The following SYT1 variants were observed in gnomAD, a reference collection of about 807,000 sequenced individuals.
SYT1 encodes synaptotagmin-1.
In SYT1, 8 loss-of-function variants were observed where a neutral mutation model predicts 44.8. The observed-to-expected ratio is 0.18, with a 90% CI of 0.10 to 0.32. SYT1 has a LOEUF of 0.32. Among genes scored for constraint, SYT1 ranks in the 10% least tolerant of loss-of-function variants. The pLI is 1.00. For synonymous variants in SYT1, 154 were observed against 188.8 expected, an observed-to-expected ratio of 0.82 and a Z score of 1.51; for missense variants, 286 against 509.3, an observed-to-expected ratio of 0.56 and a Z score of 4.22.
intron 3 of SYT1, among the ~76,000 whole-genome samples, chr12:79,138,699 C>T (rs779112376): frequency 7.9e-5 from 12 of 152,084 alleles, no homozygotes; most frequent in Admixed American, 3.9e-4. Flanking sequence ...ACAAACGATG[C>T]CTGGCATACA....
intron 9 of SYT1, among the ~76,000 whole-genome samples, chr12:79,367,121 G>C (rs1269696594): frequency 6.6e-6 from 1 of 152,114 alleles, no homozygotes; most frequent in Non-Finnish European, 1.5e-5. Flanking sequence ...TCTTCAGTTT[G>C]TTAAGCTATT....
intron 2 of SYT1, among the ~76,000 whole-genome samples, chr12:79,037,444 G>A (rs944764841): frequency 2.0e-5 from 3 of 151,576 alleles, no homozygotes; most frequent in South Asian, 2.1e-4. Flanking sequence ...AGATGTTTTC[G>A]TATTTGTTGA....
rs999452148 is a variant in SYT1 at position 78,872,962 on chromosome 12, T to G, written c.-217+7853T>G. ...AACTTTTTGCAGAGAGACAGAATAA[T>G]GTTTTAGAGTCCAAAAAACTGGCAT... On this transcript the variant is annotated intron_variant, in intron 1 of 10. Transcript: ENST00000261205. 4.0e-5 allele frequency among the ~76,000 whole-genome samples: 6 copies of G among 151,782 alleles called. No individual in the cohort carries two copies. In the East Asian group the frequency reaches 1.2e-3, roughly 29 times the overall value.
intron 2 of SYT1, among the ~76,000 whole-genome samples, chr12:78,982,806 CCAAT>C (rs764152901): frequency 9.9e-5 from 15 of 152,182 alleles, no homozygotes; most frequent in Non-Finnish European, 1.5e-4. Context: ...AGTTGAGTTT[CCAAT>C]CAATCTATTT....
intron 9 of SYT1, among the ~76,000 whole-genome samples, chr12:79,439,751 G>A (rs1424306761): frequency 2.0e-5 from 3 of 152,084 alleles, no homozygotes; most frequent in Non-Finnish European, 2.9e-5. Context: ...ATGCCACAAA[G>A]AGGTGAAATA....
At chr12:79,003,199 T>C (rs2137538081) in intron 2 of SYT1, among the ~76,000 whole-genome samples, 1 of 152,146 alleles carries the variant, frequency 6.6e-6, no homozygotes, top group South Asian at 2.1e-4. Context: ...AAAATTGTAG[T>C]GCCTTTGATC....
chr12:78,948,897 T>A (rs1304263165), intron 1 of SYT1, among the ~76,000 whole-genome samples: 1 of 151,344 alleles, frequency 6.6e-6, no homozygotes, highest in Non-Finnish European at 1.5e-5. Flanking sequence ...AAATGTAAGT[T>A]TCTTACAGAA....
chr12:79,388,143 C>A (rs1223752490), intron 9 of SYT1, among the ~76,000 whole-genome samples: 1 of 152,166 alleles, frequency 6.6e-6, no homozygotes, highest in African/African-American at 2.4e-5. Context: ...CATACTTTTT[C>A]TTCTACTGCA....
chr12:79,174,537 A>G (rs903668482), intron 3 of SYT1, among the ~76,000 whole-genome samples: 1 of 152,084 alleles, frequency 6.6e-6, no homozygotes, highest in African/African-American at 2.4e-5. Context: ...TCAGTAACAT[A>G]TGATTTATGA....
At chr12:79,234,712 C>CTTT (rs869074290) in intron 4 of SYT1, among the ~76,000 whole-genome samples, 34 of 28,802 alleles carry the variant, frequency 1.2e-3, no homozygotes, top group Admixed American at 2.5e-3. Flanking sequence ...TTCTTTCTTT[C>CTTT]TTTTTTTTTT....
chr12:79,004,619 T>A (rs1005573205), intron 2 of SYT1, among the ~76,000 whole-genome samples: 3 of 152,004 alleles, frequency 2.0e-5, no homozygotes, highest in Non-Finnish European at 1.5e-5. Context: ...ACAGTAGCAA[T>A]TGTTCATAAA....
chr12:79,105,210 C>T (rs535656802), intron 3 of SYT1, among the ~76,000 whole-genome samples: 4 of 152,238 alleles, frequency 2.6e-5, no homozygotes, highest in Admixed American at 1.3e-4. Context: ...TCTATTTTTT[C>T]GAGCTTCAGC....
At chr12:79,317,544 C>A (rs1881150954) in intron 8 of SYT1, among the ~76,000 whole-genome samples, 1 of 152,152 alleles carries the variant, frequency 6.6e-6, no homozygotes. Flanking sequence ...AAGAGCAGGA[C>A]ATTGCACAGT....
chr12:79,448,164 A>G (rs1296839893), intron 10 of SYT1, among the ~76,000 whole-genome samples: 3 of 152,176 alleles, frequency 2.0e-5, no homozygotes, highest in Non-Finnish European at 4.4e-5. Flanking sequence ...CATCAAATAA[A>G]CTTTCAAAAT....
intron 4 of SYT1, among the ~76,000 whole-genome samples, chr12:79,225,728 G>C (rs977889295): frequency 1.3e-5 from 2 of 152,250 alleles, no homozygotes; most frequent in Non-Finnish European, 2.9e-5. Context: ...TGAGACACAT[G>C]GCAAGGCTGA....
At chr12:79,020,681 C>G (rs1193069242) in intron 2 of SYT1, among the ~76,000 whole-genome samples, 1 of 151,892 alleles carries the variant, frequency 6.6e-6, no homozygotes, top group Non-Finnish European at 1.5e-5. Flanking sequence ...CTATTGCCTG[C>G]TGTTCCCTGT....
intron 9 of SYT1, among the ~76,000 whole-genome samples, chr12:79,403,222 A>G (rs1164147309): frequency 6.6e-6 from 1 of 152,170 alleles, no homozygotes; most frequent in African/African-American, 2.4e-5. Flanking sequence ...ATTATACAGG[A>G]TTCCCCAGAG....
intron 2 of SYT1, among the ~76,000 whole-genome samples, chr12:78,998,260 T>C (rs1266779345): frequency 6.6e-6 from 1 of 152,222 alleles, no homozygotes; most frequent in Non-Finnish European, 1.5e-5. Context: ...GATACCAACC[T>C]TTAATTTAGC....
chr12:79,154,527 T>G (rs1356857273), intron 3 of SYT1, among the ~76,000 whole-genome samples: 3 of 152,084 alleles, frequency 2.0e-5, no homozygotes, highest in Non-Finnish European at 2.9e-5. Context: ...GAATCTATGC[T>G]TTACACCACT....
Sources: allele counts gnomAD v4.1 joint callset (sites outside exome capture counted in the v4.1 genomes callset), GRCh38; gene constraint gnomAD v4.1.1; transcripts MANE v1.5; gene names NCBI Gene and HGNC (gene_info 2026-07-23, HGNC 2026-07-21).